The following EYA4 variants were observed in gnomAD, a reference collection of about 807,000 sequenced individuals.
EYA4 encodes EYA transcriptional coactivator and phosphatase 4, also known as protein phosphatase EYA4.
In EYA4, 31 loss-of-function variants were observed where a neutral mutation model predicts 87.9. The ratio of observed to expected loss-of-function variants is 0.35; its 90% CI spans 0.27 to 0.48. The LOEUF is 0.48. Ranked by LOEUF, EYA4 falls within the 20% of genes least tolerant of loss-of-function variation. The probability of loss-of-function intolerance (pLI) is 0.99; values close to 1 mark genes in which losing one functional copy is unlikely to be tolerated. For missense variants in EYA4, 678 were observed against 761.4 expected (o/e 0.89, Z 1.29); for synonymous variants, 263 against 270.6 (o/e 0.97, Z 0.28).
At chr6:133,449,839 C>G (rs952280733) in intron 5 of EYA4, among the ~76,000 whole-genome samples, 1 of 152,114 alleles carries the variant, frequency 6.6e-6, no homozygotes, top group Non-Finnish European at 1.5e-5. Context: ...TTAACAGACT[C>G]CATTTGGTCA....
At chr6:133,517,862 G>A (rs1799737239) in intron 17 of EYA4, among the ~76,000 whole-genome samples, 1 of 152,210 alleles carries the variant, frequency 6.6e-6, no homozygotes, top group African/African-American at 2.4e-5. Flanking sequence ...GTCATGTGCA[G>A]AACCAAGATT....
chr6:133,375,931 C>G (rs1258129508), intron 2 of EYA4, among the ~76,000 whole-genome samples: 1 of 151,732 alleles, frequency 6.6e-6, no homozygotes, highest in Non-Finnish European at 1.5e-5. Context: ...TTTATTCAAC[C>G]CAGTCATAAA....
intron 2 of EYA4, among the ~76,000 whole-genome samples, chr6:133,282,933 A>G (rs151084520): frequency 7.6e-4 from 115 of 152,296 alleles, no homozygotes; most frequent in African/African-American, 2.6e-3. Context: ...TTGGGTACCA[A>G]AAGTCTTGTG....
At chr6:133,499,423 C>G (rs1197421778) in intron 13 of EYA4, among the ~76,000 whole-genome samples, 1 of 152,190 alleles carries the variant, frequency 6.6e-6, no homozygotes, top group Non-Finnish European at 1.5e-5. Context: ...TGTACTACCA[C>G]TGTAATTCCC....
chr6:133,454,719 T>C (rs1306288163), intron 5 of EYA4, among the ~76,000 whole-genome samples: 3 of 152,172 alleles, frequency 2.0e-5, no homozygotes, highest in Admixed American at 2.0e-4. Flanking sequence ...TTTTAAAATA[T>C]CCCATGAGGA....
At chr6:133,344,160 G>T (rs1783024046) in intron 2 of EYA4, among the ~76,000 whole-genome samples, 1 of 152,142 alleles carries the variant, frequency 6.6e-6, no homozygotes, top group Non-Finnish European at 1.5e-5. Flanking sequence ...CTGGATAAAT[G>T]CAAGGCACGG....
intron 2 of EYA4, among the ~76,000 whole-genome samples, chr6:133,308,871 G>T (rs1395940299): frequency 2.0e-5 from 3 of 151,948 alleles, no homozygotes; most frequent in Non-Finnish European, 4.4e-5. Context: ...TTTATGCATA[G>T]AAACTTAAAT....
At chr6:133,462,581 TTAC>T (rs760531448) in intron 8 of EYA4, 37 bp from the exon 9 acceptor site, 14 of 1,613,252 alleles carry the variant, frequency 8.7e-6, no homozygotes, top group African/African-American at 1.3e-5. Flanking sequence ...GAAAATCATC[TTAC>T]TAATTAAATG....
At chr6:133,355,506 A>G (rs531554060) in intron 2 of EYA4, among the ~76,000 whole-genome samples, 1 of 152,334 alleles carries the variant, frequency 6.6e-6, no homozygotes, top group Non-Finnish European at 1.5e-5. Flanking sequence ...AGTCATGAAA[A>G]AGAACAAGAT....
At chr6:133,294,023 T>TTATATATATAGA (rs1778718435) in intron 2 of EYA4, among the ~76,000 whole-genome samples, 1 of 78,780 alleles carries the variant, frequency 1.3e-5, no homozygotes, top group Non-Finnish European at 2.5e-5. Flanking sequence ...TAGGGTGATT[T>TTATATATATAGA]TATATATATA....
At chr6:133,379,772 C>A (rs1394370570) in intron 2 of EYA4, among the ~76,000 whole-genome samples, 1 of 152,088 alleles carries the variant, frequency 6.6e-6, no homozygotes, top group East Asian at 1.9e-4. Context: ...CAGATCAATG[C>A]CATCTCTGCC....
chr6:133,495,791 A>G (rs1038698953), intron 13 of EYA4, among the ~76,000 whole-genome samples: 8 of 147,392 alleles, frequency 5.4e-5, no homozygotes, highest in African/African-American at 2.2e-4. Context: ...TTTCTGATTC[A>G]AGAGGTTTGA....
intron 19 of EYA4, 44 bp from the exon 20 acceptor site, chr6:133,528,681 C>G: frequency 1.8e-5 from 24 of 1,303,320 alleles, no homozygotes; most frequent in Non-Finnish European, 2.6e-5. Context: ...ATGCCTCATT[C>G]CTTCCCCTTC....
At chr6:133,415,977 C>G (rs150082233) in intron 3 of EYA4, among the ~76,000 whole-genome samples, 4 of 152,172 alleles carry the variant, frequency 2.6e-5, no homozygotes, top group African/African-American at 9.7e-5. Context: ...TTTGCTAATC[C>G]CTTAAGGATA....
chr6:133,311,595 A>G (rs1290886469), intron 2 of EYA4, among the ~76,000 whole-genome samples: 1 of 152,132 alleles, frequency 6.6e-6, no homozygotes, highest in Non-Finnish European at 1.5e-5. Flanking sequence ...CTGAGATTAC[A>G]GGTCTGAGCC....
intron 10 of EYA4, among the ~76,000 whole-genome samples, chr6:133,466,861 G>A (rs1045578146): frequency 8.6e-5 from 13 of 151,998 alleles, no homozygotes; most frequent in Middle Eastern, 3.4e-3. Context: ...GCCTGCTCAC[G>A]TAAGGCCTGG....
At chr6:133,413,062 A>G (rs1789382434) in intron 3 of EYA4, among the ~76,000 whole-genome samples, 1 of 152,222 alleles carries the variant, frequency 6.6e-6, no homozygotes, top group Non-Finnish European at 1.5e-5. Context: ...AATCCTATTT[A>G]TTGCAAAGGA....
intron 1 of EYA4, among the ~76,000 whole-genome samples, chr6:133,251,365 AT>A (rs1562206800): frequency 6.6e-6 from 1 of 152,186 alleles, no homozygotes; most frequent in Non-Finnish European, 1.5e-5. Flanking sequence ...ACATATTGCT[AT>A]GATTCTTACC....
chr6:133,334,759 A>C (rs1782237183), intron 2 of EYA4, among the ~76,000 whole-genome samples: 1 of 152,208 alleles, frequency 6.6e-6, no homozygotes, highest in Non-Finnish European at 1.5e-5. Flanking sequence ...TTATTTTATT[A>C]AGGCTGTATT....
Sources: allele counts gnomAD v4.1 joint callset (sites outside exome capture counted in the v4.1 genomes callset), GRCh38; gene constraint gnomAD v4.1.1; transcripts MANE v1.5; gene names NCBI Gene and HGNC (gene_info 2026-07-23, HGNC 2026-07-21).